Variants in INSYN2B observed in about 807,000 individuals in gnomAD.
INSYN2B encodes the protein protein INSYN2B.
In INSYN2B, 16 loss-of-function variants were observed where a neutral mutation model predicts 41.2. The observed-to-expected ratio is 0.39, with a 90% CI of 0.26 to 0.59. The LOEUF (loss-of-function observed/expected upper bound fraction) is 0.59, where lower values mean the gene tolerates loss of function less well. INSYN2B is among the 20% of genes least tolerant of loss of function. The probability of loss-of-function intolerance (pLI) is 0.57; values close to 1 mark genes in which losing one functional copy is unlikely to be tolerated. For missense variants in INSYN2B, 608 were observed against 646.4 expected (o/e 0.94, Z 0.64); for synonymous variants, 245 against 244.4 (o/e 1.00, Z -0.02).
At chr5:169,877,613 G>C (rs1772404733) in intron 3 of INSYN2B, among the ~76,000 whole-genome samples, 1 of 152,060 alleles carries the variant, frequency 6.6e-6, no homozygotes, top group African/African-American at 2.4e-5. Context: ...AGTTGCCTTG[G>C]GATATGAAGT....
intron 1 of INSYN2B, among the ~76,000 whole-genome samples, chr5:169,974,082 A>G (rs1422323865): frequency 2.0e-5 from 3 of 152,226 alleles, no homozygotes; most frequent in Non-Finnish European, 4.4e-5. Context: ...AGATCATACC[A>G]TGGTTGCAAA....
At position 169,883,095 on chromosome 5, in the gene INSYN2B, T is replaced by C; in HGVS notation, c.804A>G (p.Thr268=). ...CLNATSVASH[T]PGTEELKPEL... ...CAGGTTTAAGTTCCTCTGTGCCTGG[T>C]GTGTGGCTGGCAACGCTGGTGGCAT... Residue 268 remains threonine (T), a synonymous_variant, in exon 2 of 4, where the codon ACA becomes ACG. Coordinates refer to ENST00000377365, the MANE Select transcript of INSYN2B (RefSeq NM_001129891.3). 6.4e-7 allele frequency: 1 copy of C among 1,551,644 alleles called. No individual in the cohort carries two copies. Among genetic ancestry groups the C allele is most frequent in the Non-Finnish European group, 8.7e-7 (1 of 1,146,930 alleles).
chr5:169,950,936 A>C lies in INSYN2B; in HGVS notation c.-919+29341T>G, dbSNP rs116324274. Reference sequence around the variant, plus strand: ...TCATGATGTTGGCTCACTCAAAATTATAAAATTAATTTGAATTTGATGAGA... The same window carrying C: ...TCATGATGTTGGCTCACTCAAAATTCTAAAATTAATTTGAATTTGATGAGA... On this transcript the variant is annotated intron_variant, in intron 1 of 3. Transcript: ENST00000377365. 3.3e-3 allele frequency among the ~76,000 whole-genome samples: 497 copies of C among 152,336 alleles called. 4 individuals carry two copies. Among genetic ancestry groups the C allele is most frequent in the Non-Finnish European group, 5.9e-3 (402 of 68,034 alleles).
intron 3 of INSYN2B, among the ~76,000 whole-genome samples, chr5:169,871,037 C>T (rs374944440): frequency 5.3e-5 from 8 of 152,262 alleles, no homozygotes; most frequent in Admixed American, 6.5e-5. Context: ...TGTGTCCTCA[C>T]GTGGCAGAAA....
At chr5:169,912,299 G>A (rs1400077071) in intron 1 of INSYN2B, among the ~76,000 whole-genome samples, 7 of 152,058 alleles carry the variant, frequency 4.6e-5, no homozygotes, top group East Asian at 1.9e-4. Context: ...AGCCCAAGCC[G>A]TTATTTATGT....
chr5:169,899,478 G>C (rs1373501293), intron 1 of INSYN2B, among the ~76,000 whole-genome samples: 1 of 152,224 alleles, frequency 6.6e-6, no homozygotes, highest in South Asian at 2.1e-4. Flanking sequence ...GGTCAAAAAT[G>C]AGCCTTGGTT....
At chr5:169,945,012 A>T (rs1199352590) in intron 1 of INSYN2B, among the ~76,000 whole-genome samples, 10 of 152,232 alleles carry the variant, frequency 6.6e-5, no homozygotes, top group Admixed American at 6.5e-4. Context: ...GAGGATTTAA[A>T]TCCTGACTAC....
In INSYN2B at chr5:169,883,903, C is replaced by A; in HGVS notation, c.-5G>T. The A allele has an allele frequency of 6.7e-7, 1 of 1,495,342 alleles. No individual in the cohort carries two copies. Among genetic ancestry groups the A allele is most frequent in the Admixed American group, 2.2e-5 (1 of 44,668 alleles). The allele number at this position is 1,495,342 out of a possible 1,614,324, so 92.6% of individuals were successfully genotyped here. On this transcript the variant is annotated 5_prime_UTR_variant, in exon 2 of 4. Coordinates refer to ENST00000377365, the MANE Select transcript of INSYN2B (RefSeq NM_001129891.3). Reference sequence around the variant, plus strand: ...TTTCATATTTTGCTGGGCCATTGAGCCTCAGTGGGAAGGATCAGGACCATA... The same window carrying A: ...TTTCATATTTTGCTGGGCCATTGAGACTCAGTGGGAAGGATCAGGACCATA...
At chr5:169,894,972 G>C (rs1446411804) in intron 1 of INSYN2B, among the ~76,000 whole-genome samples, 1 of 152,118 alleles carries the variant, frequency 6.6e-6, no homozygotes, top group Non-Finnish European at 1.5e-5. Flanking sequence ...ATTTCTTAAG[G>C]GGCCAAGAAC....
chr5:169,962,133 A>T (rs1777113387), intron 1 of INSYN2B, among the ~76,000 whole-genome samples: 1 of 152,002 alleles, frequency 6.6e-6, no homozygotes, highest in Admixed American at 6.6e-5. Flanking sequence ...CTAAGTAGAG[A>T]TGTGAGTAAT....
At chr5:169,945,960 G>T (rs898772225) in intron 1 of INSYN2B, among the ~76,000 whole-genome samples, 2 of 152,156 alleles carry the variant, frequency 1.3e-5, no homozygotes, top group African/African-American at 4.8e-5. Flanking sequence ...ACATGAGCAG[G>T]CCAGGCAGGC....
intron 1 of INSYN2B, among the ~76,000 whole-genome samples, chr5:169,953,700 T>C (rs1030284346): frequency 1.3e-5 from 2 of 152,156 alleles, no homozygotes; most frequent in Admixed American, 6.5e-5. Context: ...TAATGCAGCA[T>C]AAAGTGAACT....
intron 1 of INSYN2B, among the ~76,000 whole-genome samples, chr5:169,956,511 T>C (rs1454876582): frequency 6.6e-6 from 1 of 152,198 alleles, no homozygotes; most frequent in African/African-American, 2.4e-5. Flanking sequence ...ACAAATGCTT[T>C]TGAAGACATG....
intron 1 of INSYN2B, among the ~76,000 whole-genome samples, chr5:169,929,919 A>T (rs957788123): frequency 6.6e-5 from 10 of 152,190 alleles, no homozygotes; most frequent in African/African-American, 2.4e-4. Context: ...AAACATATGC[A>T]TATTAAACAT....
chr5:169,908,958 C>T (rs261003), intron 1 of INSYN2B, among the ~76,000 whole-genome samples: 3 of 151,910 alleles, frequency 2.0e-5, no homozygotes, highest in African/African-American at 7.3e-5. Context: ...GGAATTATGT[C>T]CAAGGTCACA....
intron 1 of INSYN2B, among the ~76,000 whole-genome samples, chr5:169,940,571 A>G (rs937222098): frequency 4.6e-5 from 7 of 152,204 alleles, no homozygotes; most frequent in African/African-American, 1.2e-4. Context: ...TTCTGCAACT[A>G]GACAGTCCCC....
At chr5:169,974,327 T>C (rs1378564348) in intron 1 of INSYN2B, among the ~76,000 whole-genome samples, 1 of 152,250 alleles carries the variant, frequency 6.6e-6, no homozygotes, top group Non-Finnish European at 1.5e-5. Context: ...GTGTACTTTT[T>C]AACAGCGTCT....
At chr5:169,899,499 G>A (rs1244228953) in intron 1 of INSYN2B, among the ~76,000 whole-genome samples, 1 of 152,174 alleles carries the variant, frequency 6.6e-6, no homozygotes, top group African/African-American at 2.4e-5. Context: ...TCTCAGTCTT[G>A]CTTGCCTCAA....
intron 1 of INSYN2B, among the ~76,000 whole-genome samples, chr5:169,941,131 A>T (rs996079914): frequency 6.6e-6 from 1 of 152,202 alleles, no homozygotes; most frequent in African/African-American, 2.4e-5. Flanking sequence ...GGGAAAGCAC[A>T]GGGTGTCGGG....
Sources: gnomAD v4.1 joint callset for allele counts (sites outside exome capture counted in the v4.1 genomes callset) on GRCh38, gnomAD v4.1.1 for gene constraint, MANE v1.5 for transcripts, NCBI Gene and HGNC (gene_info 2026-07-23, HGNC 2026-07-21) for gene names.